Variants in PRMT2 observed in about 807,000 individuals in gnomAD.
PRMT2 encodes the protein protein arginine N-methyltransferase 2.
PRMT2 carries 26 observed loss-of-function variants against 57.6 expected under a neutral mutation model. The ratio of observed to expected loss-of-function variants is 0.45; its 90% CI spans 0.33 to 0.63. The LOEUF (loss-of-function observed/expected upper bound fraction) is 0.63. PRMT2 is among the 20% of genes least tolerant of loss of function. PRMT2 has a pLI of 0.02. For synonymous variants in PRMT2, 219 were observed against 220.0 expected, an observed-to-expected ratio of 1.00 and a Z score of 0.04; for missense variants, 472 against 564.4, an observed-to-expected ratio of 0.84 and a Z score of 1.66.
At chr21:46,653,672 A>G in intron 7 of PRMT2, 1 of 1,255,950 alleles carries the variant, frequency 8.0e-7, no homozygotes, top group Non-Finnish European at 1.0e-6. Context: ...GAGCTCATGT[A>G]GATCATTTTA....
At chr21:46,643,504 C>A in intron 3 of PRMT2, 31 bp from the exon 4 acceptor site, 1 of 1,462,584 alleles carries the variant, frequency 6.8e-7, no homozygotes, top group South Asian at 1.5e-5. Context: ...CTCCAGCGTC[C>A]TCTCCTCACG....
chr21:46,644,624 T>C, intron 5 of PRMT2, 136 bp downstream of exon 5: 2 of 820,244 alleles, frequency 2.4e-6, no homozygotes, highest in South Asian at 2.5e-5. Context: ...AGCTCTGACA[T>C]GGTTGTGTGG....
In PRMT2 at chr21:46,660,848, G is replaced by A. The variant is rs372387605; in HGVS notation, c.846G>A (p.Lys282=). 1.9e-6 allele frequency: 3 copies of A among 1,613,880 alleles called. No homozygotes were observed. The highest frequency in any genetic ancestry group is 2.5e-6 in the Non-Finnish European group (3 of 1,179,946). The part of the protein sequence containing the change: ...NLSALKSLAV[K]EFFSKPKYNH... ...TTTCCCCTAGATCTTTAGCAGTTAA[G>A]GAGTTTTTTTCAAAGCCCAAGTATA... Residue 282 remains lysine (K), a synonymous_variant, in exon 9 of 12, where the codon AAG becomes AAA. Transcript: ENST00000355680.
Position 46,663,460 on chromosome 21 carries a change from C to T in PRMT2, c.1175C>T (p.Ser392Leu). 1.2e-6 allele frequency: 2 copies of T among 1,614,206 alleles called. No individual in the cohort carries two copies. Among genetic ancestry groups the T allele is most frequent in the East Asian group, 2.2e-5 (1 of 44,884 alleles). The change falls in exon 11 of 12, where the codon TCA (serine) becomes TTA (leucine). Residue 392 changes from serine to leucine, a missense_variant. This residue lies in a region of PRMT2 where 229 missense variants were observed against 217.2 expected (regional missense o/e 1.05). Coordinates refer to ENST00000355680, the MANE Select transcript of PRMT2 (RefSeq NM_206962.4). ...CATACAGGAGACGTGGTCACGGGTT[C>T]AGTTGTGTTGCAGAGAAACCCAGTG... ...PVHTGDVVTG[S>L]VVLQRNPVWR...
rs771073046 is a variant in PRMT2 at position 46,649,604 on chromosome 21, A to C, written c.519A>C (p.Ala173=). The C allele has an allele frequency of 5.6e-6, 9 of 1,613,954 alleles. No individual in the cohort carries two copies. The highest frequency in any genetic ancestry group is 7.6e-6 in the Non-Finnish European group (9 of 1,180,036). The change falls in exon 7 of 12, where the codon GCA becomes GCC. Residue 173 remains alanine, a synonymous_variant. Coordinates refer to ENST00000355680, the MANE Select transcript of PRMT2 (RefSeq NM_206962.4). This position sits in a 1 kb window ranked among gnomAD's most constrained non-coding sequence, Gnocchi z 4.8. ...AVYAVEASEM[A]QHTGQLVLQN... ...ACGCGGTGGAGGCCAGTGAGATGGCACAGCACACGGGGCAGCTGGTCCTGC... is the reference window on the plus strand; with the variant it reads ...ACGCGGTGGAGGCCAGTGAGATGGCCCAGCACACGGGGCAGCTGGTCCTGC...
rs976912951 is a variant in PRMT2 at position 46,649,423 on chromosome 21, G to A, written c.490-152G>A. 2.2e-5 allele frequency: 27 copies of A among 1,226,698 alleles called. No individual in the cohort carries two copies. The highest frequency in any genetic ancestry group is 3.1e-5 in the Non-Finnish European group (26 of 851,980). The allele number at this position is 1,226,698 out of a possible 1,614,324, so 76.0% of individuals were successfully genotyped here. A position where few individuals can be genotyped will look rare whatever the true frequency, so the allele number is the denominator to read the frequency against. ...TTTCTGGGTGCCCCTGGAGGGGCAG[G>A]TGTGGCCAGTCCTCGCTGCCTCTGC... On this transcript the variant is annotated intron_variant, in intron 6 of 11. Transcript: ENST00000355680. This position sits in a 1 kb window ranked among gnomAD's most constrained non-coding sequence, Gnocchi z 4.8.
intron 4 of PRMT2, 74 bp downstream of exon 4, chr21:46,643,713 C>A: frequency 6.7e-7 from 1 of 1,491,996 alleles, no homozygotes; most frequent in South Asian, 1.3e-5. Context: ...ATTTTGCAGA[C>A]GTCACACCAA....
chr21:46,663,947 C>CG (rs902018769), intron 11 of PRMT2, among the ~76,000 whole-genome samples: 4 of 152,128 alleles, frequency 2.6e-5, no homozygotes, highest in Admixed American at 1.3e-4. Flanking sequence ...CTAGGCGTGT[C>CG]GTCTGTGATG....
intron 3 of PRMT2, among the ~76,000 whole-genome samples, chr21:46,639,203 C>G (rs1174230494): frequency 6.6e-6 from 1 of 152,160 alleles, no homozygotes; most frequent in Non-Finnish European, 1.5e-5. Context: ...GGTTAGAGAA[C>G]ATAACATCCT....
chr21:46,658,679 G>A (rs1403639559), intron 7 of PRMT2, 66 bp from the exon 8 acceptor site: 3 of 1,580,482 alleles, frequency 1.9e-6, no homozygotes, highest in Non-Finnish European at 2.6e-6. Flanking sequence ...CGAATGTGGT[G>A]GTGAGAGGCC....
intron 11 of PRMT2, 34 bp downstream of exon 11, chr21:46,663,588 G>T (rs1191624155): frequency 6.2e-7 from 1 of 1,600,386 alleles, no homozygotes; most frequent in South Asian, 1.1e-5. Context: ...CTGTCCTGTG[G>T]GTGCCGGTCC....
intron 10 of PRMT2, 64 bp from the exon 11 acceptor site, chr21:46,663,319 C>T: frequency 2.0e-6 from 3 of 1,519,942 alleles, no homozygotes; most frequent in South Asian, 1.2e-5. Context: ...GAGTCAGCGC[C>T]CCGAGGGCCA....
intron 8 of PRMT2, chr21:46,659,594 A>G (rs1227916246): frequency 3.1e-6 from 3 of 972,946 alleles, no homozygotes; most frequent in Middle Eastern, 5.2e-4. Context: ...TGCGAATTAA[A>G]ATACATGCTG....
chr21:46,645,572 T>G (rs989932117), intron 5 of PRMT2, among the ~76,000 whole-genome samples: 1 of 152,218 alleles, frequency 6.6e-6, no homozygotes, highest in Non-Finnish European at 1.5e-5. Flanking sequence ...TCTGGTTACA[T>G]TTTAAAACTA....
chr21:46,637,455 A>G (rs1601909535), intron 3 of PRMT2, among the ~76,000 whole-genome samples: 1 of 152,324 alleles, frequency 6.6e-6, no homozygotes, highest in South Asian at 2.1e-4. Context: ...ATTATGTAAA[A>G]GTCACCAACT....
In PRMT2 at chr21:46,658,947, C is replaced by T. The variant is rs374996677; in HGVS notation, c.830+27C>T. The T allele has an allele frequency of 1.3e-5, 21 of 1,599,940 alleles. No individual in the cohort carries two copies. The African/African-American group carries it at 1.7e-4, about 13-fold the overall frequency. On this transcript the variant is annotated intron_variant, in intron 8 of 11. Transcript: ENST00000355680. ...TAAGTGTCCACAGCTGGGACTGGCACCGTCTTGTGGGGCCTCCTGGTCCAC... is the reference window on the plus strand; with the variant it reads ...TAAGTGTCCACAGCTGGGACTGGCATCGTCTTGTGGGGCCTCCTGGTCCAC...
At position 46,664,336 on chromosome 21, in the gene PRMT2, G is replaced by A. The variant is rs1020062656; in HGVS notation, c.*9G>A. On this transcript the variant is annotated 3_prime_UTR_variant, in exon 12 of 12. Coordinates refer to ENST00000355680, the MANE Select transcript of PRMT2 (RefSeq NM_206962.4). ...TCCCCATCTGGAGATGACAGTTGAT[G>A]CTTTATTTGGAAAGCAGTGTGCATA... is the stretch of plus-strand genomic sequence containing the variant. 1.9e-6 allele frequency: 3 copies of A among 1,614,026 alleles called. No individual in the cohort carries two copies. Among genetic ancestry groups the A allele is most frequent in the East Asian group, 4.5e-5 (2 of 44,882 alleles).
At chr21:46,661,972 G>T in intron 10 of PRMT2, 36 bp downstream of exon 10, 1 of 1,151,362 alleles carries the variant, frequency 8.7e-7, no homozygotes, top group Non-Finnish European at 1.1e-6. Flanking sequence ...GGTGCGGGGT[G>T]GGGGGCAGGG....
intron 8 of PRMT2, chr21:46,659,865 GAT>G (rs1372956933): frequency 1.0e-6 from 1 of 985,284 alleles, no homozygotes; most frequent in Non-Finnish European, 1.2e-6. Flanking sequence ...GGTTTTTAGG[GAT>G]ATGTAATGAT....
Sources: gnomAD v4.1 joint callset for allele counts (sites outside exome capture counted in the v4.1 genomes callset) on GRCh38, gnomAD v4.1.1 for gene constraint, gnomAD v4.1.1 regional missense constraint, Gnocchi (gnomAD v3.1) non-coding constraint, MANE v1.5 for transcripts, NCBI Gene and HGNC (gene_info 2026-07-23, HGNC 2026-07-21) for gene names.